The following CACNA1C variants were observed in gnomAD, a reference collection of about 807,000 sequenced individuals.
The protein encoded by CACNA1C is voltage-dependent L-type calcium channel subunit alpha-1C.
A neutral mutation model predicts 229.0 loss-of-function variants in CACNA1C; 30 were observed. The ratio of observed to expected loss-of-function variants is 0.13; its 90% CI spans 0.10 to 0.18. CACNA1C has a LOEUF of 0.18. Ranked by LOEUF, CACNA1C falls within the 10% of genes least tolerant of loss-of-function variation. The probability of loss-of-function intolerance (pLI) is 1.00; values close to 1 mark genes in which losing one functional copy is unlikely to be tolerated. For missense variants in CACNA1C, 1,658 were observed against 2,845.0 expected (o/e 0.58, Z 9.49); for synonymous variants, 1,114 against 1,132.5 (o/e 0.98, Z 0.33).
chr12:2,449,241 T>TG, intron 4 of CACNA1C, 126 bp downstream of exon 4: 1 of 604,828 alleles, frequency 1.7e-6, no homozygotes, highest in Non-Finnish European at 2.6e-6. Context: ...TGATCTAGAG[T>TG]GAGAAAAATG....
intron 3 of CACNA1C, among the ~76,000 whole-genome samples, chr12:2,241,808 TC>T (rs1216514908): frequency 6.6e-6 from 1 of 152,216 alleles, no homozygotes; most frequent in Non-Finnish European, 1.5e-5. Flanking sequence ...TTATGTTTGA[TC>T]CCCTGCTGTA....
In CACNA1C at chr12:2,695,131, AAAG is replaced by A. The variant is rs1314546439; in HGVS notation, c.*3937_*3939del. On this transcript the variant is annotated 3_prime_UTR_variant, in exon 47 of 47. Transcript: ENST00000399655. Reference sequence around the variant, plus strand: ...GGAGTCTGGGCCGTTTCCATATTTTAAAGAAGACCTGCCTCTGGGGCAAATGTC... The same window carrying A: ...GGAGTCTGGGCCGTTTCCATATTTTAAAGACCTGCCTCTGGGGCAAATGTC... The A allele has an allele frequency of 6.6e-6, 1 of 152,236 alleles. No individual in the cohort carries two copies. The highest frequency in any genetic ancestry group is 2.4e-5 in the African/African-American group (1 of 41,468). The allele number at this position is 152,236 out of a possible 1,614,324, so 9.4% of individuals were successfully genotyped here. A position where few individuals can be genotyped will look rare whatever the true frequency, so the allele number is the denominator to read the frequency against.
At position 2,142,537 on chromosome 12, in the gene CACNA1C, G is replaced by A. The variant is rs1006231455; in HGVS notation, c.477+22107G>A. 1.3e-5 allele frequency among the ~76,000 whole-genome samples: 2 copies of A among 151,256 alleles called. 1 individual carries two copies. Among genetic ancestry groups the A allele is most frequent in the Non-Finnish European group, 3.0e-5 (2 of 67,620 alleles). On this transcript the variant is annotated intron_variant, in intron 3 of 46. Coordinates refer to ENST00000399655, the MANE Select transcript of CACNA1C (RefSeq NM_000719.7). ...TATACTCCTACTTATTAAAACAAAC[G>A]TTAACTGTAAAACAGCCTCAGGCAC...
chr12:2,274,238 CAG>C (rs1378758500), intron 3 of CACNA1C, among the ~76,000 whole-genome samples: 1 of 152,192 alleles, frequency 6.6e-6, no homozygotes, highest in Non-Finnish European at 1.5e-5. Context: ...GGCGTCCTCT[CAG>C]AGGATATGAG....
chr12:2,208,694 A>G (rs2097832025), intron 3 of CACNA1C, among the ~76,000 whole-genome samples: 1 of 152,212 alleles, frequency 6.6e-6, no homozygotes. Context: ...CATGCACAGT[A>G]GCTGAAGATC....
At position 2,097,388 on chromosome 12, in the gene CACNA1C, C is replaced by T. The variant is rs542658707; in HGVS notation, c.50-17836C>T. Among the ~76,000 whole-genome samples, 435 of 152,102 alleles carry T rather than the reference C, an allele frequency of 2.9e-3. 1 individual carries two copies. Among genetic ancestry groups the T allele is most frequent in the Non-Finnish European group, 4.3e-3 (294 of 67,952 alleles). ...GTCTCGATCTCCTGACCTTGTGATCCGCCCGCCTCGACCTCCCAAAGTGCT... is the reference window on the plus strand; with the variant it reads ...GTCTCGATCTCCTGACCTTGTGATCTGCCCGCCTCGACCTCCCAAAGTGCT... On this transcript the variant is annotated intron_variant, in intron 1 of 46. Coordinates refer to ENST00000399655, the MANE Select transcript of CACNA1C (RefSeq NM_000719.7).
intron 5 of CACNA1C, among the ~76,000 whole-genome samples, chr12:2,459,179 T>C (rs945225183): frequency 2.1e-4 from 31 of 148,574 alleles, no homozygotes; most frequent in Admixed American, 5.3e-4. Context: ...GTTTTTTTTT[T>C]TTTTTTTTTG....
chr12:2,153,234 T>C (rs1283328600), intron 3 of CACNA1C, among the ~76,000 whole-genome samples: 2 of 152,220 alleles, frequency 1.3e-5, no homozygotes, highest in Non-Finnish European at 2.9e-5. Context: ...TCCTTGAGGT[T>C]AATGAAAGAC....
intron 3 of CACNA1C, among the ~76,000 whole-genome samples, chr12:2,241,404 A>G (rs915098508): frequency 2.6e-5 from 4 of 152,066 alleles, no homozygotes; most frequent in Admixed American, 2.0e-4. Flanking sequence ...TTATCATGCC[A>G]TGTTTTTTAT....
At position 2,093,917 on chromosome 12, in the gene CACNA1C, T is replaced by C. The variant is rs73603736; in HGVS notation, c.50-21307T>C. Among the ~76,000 whole-genome samples the C allele has an allele frequency of 6.5e-3, 984 of 152,328 alleles. 10 individuals carry two copies. Among genetic ancestry groups the C allele is most frequent in the African/African-American group, 0.022 (923 of 41,566 alleles). On this transcript the variant is annotated intron_variant, in intron 1 of 46. Transcript: ENST00000399655. Reference sequence around the variant, plus strand: ...GTGTTTCGTGCTGAAAGGACATTTTTCTTCAGCAGCATACTGAGTGCATAG... The same window carrying C: ...GTGTTTCGTGCTGAAAGGACATTTTCCTTCAGCAGCATACTGAGTGCATAG...
At chr12:2,626,759 C>T (rs1033590169) in intron 29 of CACNA1C, among the ~76,000 whole-genome samples, 1 of 152,134 alleles carries the variant, frequency 6.6e-6, no homozygotes, top group Non-Finnish European at 1.5e-5. Context: ...CCAAATGGAG[C>T]TTAACCCATA....
At chr12:2,685,142 G>A (rs1406287214) in intron 43 of CACNA1C, among the ~76,000 whole-genome samples, 3 of 152,172 alleles carry the variant, frequency 2.0e-5, no homozygotes, top group African/African-American at 4.8e-5. Flanking sequence ...GTCTGTGCAT[G>A]ATGAGAAGCT....
intron 3 of CACNA1C, among the ~76,000 whole-genome samples, chr12:2,201,820 G>A (rs2097584735): frequency 6.6e-6 from 1 of 152,188 alleles, no homozygotes. Context: ...TTGGCCAGGG[G>A]CTGGCCAGAT....
intron 1 of CACNA1C, among the ~76,000 whole-genome samples, chr12:2,027,549 C>CA (rs1351043576): frequency 2.0e-5 from 3 of 152,310 alleles, no homozygotes; most frequent in East Asian, 1.9e-4. Flanking sequence ...TGCATCATAA[C>CA]AATTGTATAA....
At chr12:2,086,554 A>G (rs1415288083) in intron 1 of CACNA1C, among the ~76,000 whole-genome samples, 1 of 152,184 alleles carries the variant, frequency 6.6e-6, no homozygotes, top group Non-Finnish European at 1.5e-5. Flanking sequence ...AAGCAGCCCA[A>G]AATCTCACTG....
chr12:2,148,504 T>C lies in CACNA1C; in HGVS notation c.477+28074T>C, dbSNP rs577592989. ...TTACTTTGATCATACTAGTAATGAT[T>C]ACCATCTACAGCATGTATTATGTGC... On this transcript the variant is annotated intron_variant, in intron 3 of 46. Coordinates refer to ENST00000399655, the MANE Select transcript of CACNA1C (RefSeq NM_000719.7). 5.3e-5 allele frequency among the ~76,000 whole-genome samples: 8 copies of C among 151,396 alleles called. 1 individual carries two copies. In the South Asian group the frequency reaches 1.7e-3, roughly 32 times the overall value.
intron 3 of CACNA1C, among the ~76,000 whole-genome samples, chr12:2,425,655 G>A (rs1005927712): frequency 6.6e-6 from 1 of 152,144 alleles, no homozygotes; most frequent in Non-Finnish European, 1.5e-5. Flanking sequence ...TTAGAGGTGT[G>A]GCTTTAAATG....
chr12:2,341,503 G>A (rs947991876), intron 3 of CACNA1C, among the ~76,000 whole-genome samples: 5 of 152,128 alleles, frequency 3.3e-5, no homozygotes, highest in Non-Finnish European at 5.9e-5. Flanking sequence ...AGTGCTGTGC[G>A]GGCCCTGCGT....
Position 2,182,918 on chromosome 12 carries a change from G to C in CACNA1C, c.477+62488G>C, listed in dbSNP as rs550000066. 3.9e-5 allele frequency among the ~76,000 whole-genome samples: 6 copies of C among 152,258 alleles called. No homozygotes were observed. In the South Asian group the frequency reaches 1.2e-3, roughly 32 times the overall value. ...TTTGGAAGAAGGTGGTCTTGGTTTC[G>C]GTCCTTAGTCCACCGGATGCCAGGT... On this transcript the variant is annotated intron_variant, in intron 3 of 46. Coordinates refer to ENST00000399655, the MANE Select transcript of CACNA1C (RefSeq NM_000719.7).
Sources: gnomAD v4.1 joint callset for allele counts (sites outside exome capture counted in the v4.1 genomes callset) on GRCh38, gnomAD v4.1.1 for gene constraint, MANE v1.5 for transcripts, NCBI Gene and HGNC (gene_info 2026-07-23, HGNC 2026-07-21) for gene names.